COL4A4: variants seen among roughly 807,000 people sequenced by gnomAD.
The protein encoded by COL4A4 is collagen type IV alpha 4 chain, also known as collagen alpha-4(IV) chain.
COL4A4 carries 105 observed loss-of-function variants against 192.9 expected under a neutral mutation model. The observed-to-expected ratio is 0.54, with a 90% CI of 0.46 to 0.64. The LOEUF is 0.64. COL4A4 is among the 30% of genes least tolerant of loss of function. The probability of loss-of-function intolerance (pLI) is 0.00; values close to 1 mark genes in which losing one functional copy is unlikely to be tolerated. For missense variants in COL4A4, 1,967 were observed against 2,169.3 expected (o/e 0.91, Z 1.85); for synonymous variants, 762 against 769.9 (o/e 0.99, Z 0.17).
At chr2:226,986,110 TAGC>T in the COL4A4 span, among the ~76,000 whole-genome samples, 1 of 152,124 alleles carries the variant, frequency 6.6e-6, no homozygotes, top group African/African-American at 2.4e-5. Flanking sequence ...TGAGGACAAA[TAGC>T]AGACAAACCA....
intron 25 of COL4A4, among the ~76,000 whole-genome samples, chr2:227,069,590 A>G (rs2058581684): frequency 6.6e-6 from 1 of 152,174 alleles, no homozygotes; most frequent in South Asian, 2.1e-4. Context: ...CTGGTCTTTG[A>G]CAAACCTGAG....
At chr2:227,039,987 T>C (rs984592099) in intron 37 of COL4A4, among the ~76,000 whole-genome samples, 1 of 152,234 alleles carries the variant, frequency 6.6e-6, no homozygotes. Context: ...GTATACCAAC[T>C]CTTCAACATA....
intron 12 of COL4A4, among the ~76,000 whole-genome samples, chr2:227,107,390 G>A (rs1002258221): frequency 6.6e-6 from 1 of 152,170 alleles, no homozygotes; most frequent in Non-Finnish European, 1.5e-5. Flanking sequence ...ATCCCTCTCT[G>A]TGTATATTTT....
At chr2:227,020,128 G>A (rs1162354936) in intron 44 of COL4A4, among the ~76,000 whole-genome samples, 1 of 152,216 alleles carries the variant, frequency 6.6e-6, no homozygotes, top group African/African-American at 2.4e-5. Context: ...ACTTTACAAA[G>A]AGTAGAGGGA....
rs180881871 is a variant in COL4A4, at chr2:227,084,428, A to C, written c.1624-2241T>G. Among the ~76,000 whole-genome samples, 582 of 152,312 alleles carry C rather than the reference A, an allele frequency of 3.8e-3. 5 individuals carry two copies. The highest frequency in any genetic ancestry group is 3.2e-3 in the Non-Finnish European group (215 of 68,028). On this transcript the variant is annotated intron_variant, in intron 22 of 47. Transcript: ENST00000396625. ...AGCAGTGTATTACTCAGCACATTGG[A>C]GACTTCAAATGTATGACGAATTGCT...
intron 37 of COL4A4, among the ~76,000 whole-genome samples, chr2:227,035,923 C>T (rs1210988481): frequency 6.6e-6 from 1 of 152,164 alleles, no homozygotes; most frequent in Non-Finnish European, 1.5e-5. Flanking sequence ...CTGGCCGACC[C>T]TTATCTGACC....
At chr2:227,001,919 T>G (rs1373871216), downstream of COL4A4, among the ~76,000 whole-genome samples, 1 of 152,162 alleles carries the variant, frequency 6.6e-6, no homozygotes, top group Non-Finnish European at 1.5e-5. Context: ...ATGCCTGTAA[T>G]CCCAATGCTT....
chr2:227,095,944 G>A (rs554045327), intron 19 of COL4A4, among the ~76,000 whole-genome samples: 1 of 152,212 alleles, frequency 6.6e-6, no homozygotes, highest in East Asian at 1.9e-4. Flanking sequence ...GCCTCTGTGA[G>A]AGTGACCACC....
intron 10 of COL4A4, 143 bp from the exon 11 acceptor site, chr2:227,109,011 G>T: frequency 6.3e-6 from 6 of 957,806 alleles, no homozygotes; most frequent in Non-Finnish European, 8.6e-6. Flanking sequence ...ATCATGGATG[G>T]GCTGTTTTCT....
rs1041212148 is a variant in COL4A4 at position 227,123,182 on chromosome 2, T to C, written c.193-2034A>G. On this transcript the variant is annotated intron_variant, in intron 4 of 47. Coordinates refer to ENST00000396625, the MANE Select transcript of COL4A4 (RefSeq NM_000092.5). This position sits in a 1 kb window ranked among gnomAD's most constrained non-coding sequence, Gnocchi z 4.6. ...TGCCCAGGTGGGATGTCACTTTAGA[T>C]AGTGCTGCTGGCCTTGGCCAGGCCC... Among the ~76,000 whole-genome samples, 1 of 152,148 alleles carries C rather than the reference T, an allele frequency of 6.6e-6. No homozygotes were observed. The highest frequency in any genetic ancestry group is 6.5e-5 in the Admixed American group (1 of 15,270).
At chr2:227,151,204 T>C (rs995911508) in intron 1 of COL4A4, among the ~76,000 whole-genome samples, 2 of 152,216 alleles carry the variant, frequency 1.3e-5, no homozygotes, top group African/African-American at 4.8e-5. Flanking sequence ...AATATATTGA[T>C]CACATTATTA....
rs1329712764 is a variant in COL4A4, at chr2:227,098,700, A to C, written c.1198T>G (p.Cys400Gly). ...CACATCAGGGCATCCGTACCTGCACAGGCTTCCCCTGGTCTGCCCAAGAGA... is the reference window on the plus strand; with the variant it reads ...CACATCAGGGCATCCGTACCTGCACCGGCTTCCCCTGGTCTGCCCAAGAGA... ...PGLLGRPGEA[C>G]AGMIGPPGPQ... Residue 400 changes from cysteine to glycine, a missense_variant, in exon 19 of 48, where the codon TGT becomes GGT. Transcript: ENST00000396625. 1.2e-6 allele frequency: 2 copies of C among 1,613,628 alleles called. No individual in the cohort carries two copies. Among genetic ancestry groups the C allele is most frequent in the African/African-American group, 1.3e-5 (1 of 74,930 alleles).
At chr2:227,114,572 G>A (rs776477597) in intron 8 of COL4A4, 56 bp downstream of exon 8, 19 of 1,331,268 alleles carry the variant, frequency 1.4e-5, no homozygotes, top group Non-Finnish European at 1.8e-5. Context: ...TTTCCTGCAT[G>A]GGCTTACCTA....
Position 227,111,733 on chromosome 2 carries a change from T to A in COL4A4, c.559-20A>T. ...GTCTCCCTGCAAAAATAAGAATGCA[T>A]TGCTTTAAGTCCACACAATGTTCCT... On this transcript the variant is annotated intron_variant, in intron 8 of 47. Coordinates refer to ENST00000396625, the MANE Select transcript of COL4A4 (RefSeq NM_000092.5). The A allele has an allele frequency of 1.2e-6, 2 of 1,612,692 alleles. No homozygotes were observed. Among genetic ancestry groups the A allele is most frequent in the Non-Finnish European group, 1.7e-6 (2 of 1,178,692 alleles).
intron 41 of COL4A4, among the ~76,000 whole-genome samples, chr2:227,028,657 T>C (rs1186319262): frequency 6.8e-6 from 1 of 147,064 alleles, no homozygotes; most frequent in Non-Finnish European, 1.5e-5. Context: ...ATTATTATTA[T>C]TATTATTATT....
chr2:227,042,285 G>T (rs773151962), intron 36 of COL4A4, 30 bp from the exon 37 acceptor site: 14 of 1,271,248 alleles, frequency 1.1e-5, no homozygotes, highest in Non-Finnish European at 1.5e-5. Context: ...TTTGCAGATG[G>T]CCAGATAATA....
At chr2:227,129,409 T>C (rs1194306953) in intron 4 of COL4A4, among the ~76,000 whole-genome samples, 4 of 138,294 alleles carry the variant, frequency 2.9e-5, no homozygotes, top group Non-Finnish European at 4.7e-5. Flanking sequence ...TCTTCTAGTA[T>C]ACTTTTTTTT....
rs767675554 is a variant in COL4A4, at chr2:227,094,105, A to T, written c.1369+20T>A. ...AAAAGCAGCATAAATGCTAATGGATATGAATAAGGAGTACTTTACCACTTG... is the reference window on the plus strand; with the variant it reads ...AAAAGCAGCATAAATGCTAATGGATTTGAATAAGGAGTACTTTACCACTTG... On this transcript the variant is annotated intron_variant, in intron 20 of 47. Coordinates refer to ENST00000396625, the MANE Select transcript of COL4A4 (RefSeq NM_000092.5). The T allele has an allele frequency of 8.7e-6, 14 of 1,609,474 alleles. No homozygotes were observed. The highest frequency in any genetic ancestry group is 1.1e-5 in the Non-Finnish European group (13 of 1,176,644).
chr2:227,067,311 G>C, intron 25 of COL4A4, among the ~76,000 whole-genome samples: 1 of 152,106 alleles, frequency 6.6e-6, no homozygotes. Flanking sequence ...AGATCAACGA[G>C]ACAGAAAGTC....
Sources: allele counts gnomAD v4.1 joint callset (sites outside exome capture counted in the v4.1 genomes callset), GRCh38; gene constraint gnomAD v4.1.1; non-coding constraint Gnocchi (gnomAD v3.1); transcripts MANE v1.5; gene names NCBI Gene and HGNC (gene_info 2026-07-23, HGNC 2026-07-21).